WNK1: variants seen among roughly 807,000 people sequenced by gnomAD.
WNK1 encodes WNK lysine deficient protein kinase 1, also known as serine/threonine-protein kinase WNK1.
A neutral mutation model predicts 222.8 loss-of-function variants in WNK1; 38 were observed. That is an observed-to-expected ratio of 0.17 (90% CI 0.13 to 0.22). The LOEUF is 0.22. Among genes scored for constraint, WNK1 ranks in the 10% least tolerant of loss-of-function variants. The pLI is 1.00. For missense variants in WNK1, 2,348 were observed against 2,918.4 expected, an observed-to-expected ratio of 0.80 and a Z score of 4.50; for synonymous variants, 1,090 against 1,092.9, an observed-to-expected ratio of 1.00 and a Z score of 0.05.
chr12:875,434 A>G (rs1261358788), intron 9 of WNK1, among the ~76,000 whole-genome samples: 1 of 152,216 alleles, frequency 6.6e-6, no homozygotes, highest in Admixed American at 6.5e-5. Context: ...CAAAGACTTC[A>G]GCTCATGTAG....
chr12:833,640 T>A (rs1441315784), intron 4 of WNK1, among the ~76,000 whole-genome samples: 1 of 152,252 alleles, frequency 6.6e-6, no homozygotes, highest in Admixed American at 6.5e-5. Flanking sequence ...TTCTTCTCAA[T>A]TGATATGAAT....
intron 1 of WNK1, among the ~76,000 whole-genome samples, chr12:758,028 C>CT (rs1184549690): frequency 9.2e-6 from 1 of 108,370 alleles, no homozygotes; most frequent in Non-Finnish European, 2.0e-5. Context: ...GGGTGAGACT[C>CT]TGTCTCTAAA....
At chr12:755,396 TAA>T (rs1939849817) in intron 1 of WNK1, among the ~76,000 whole-genome samples, 1 of 152,226 alleles carries the variant, frequency 6.6e-6, no homozygotes, top group Non-Finnish European at 1.5e-5. Flanking sequence ...ATCCATGAAC[TAA>T]TATGTTAACA....
chr12:832,700 G>T (rs1948889777), intron 4 of WNK1, among the ~76,000 whole-genome samples: 1 of 152,148 alleles, frequency 6.6e-6, no homozygotes, highest in Non-Finnish European at 1.5e-5. Flanking sequence ...TTATTATTAG[G>T]TGTATGTCTA....
intron 26 of WNK1, among the ~76,000 whole-genome samples, chr12:902,399 G>A (rs1018613567): frequency 1.3e-5 from 2 of 152,094 alleles, no homozygotes; most frequent in Non-Finnish European, 2.9e-5. Context: ...TCCATTCTTT[G>A]TCAGAGTAGA....
At position 757,897 on chromosome 12, in the gene WNK1, G is replaced by A. The variant is rs1278990496; in HGVS notation, c.759+3573G>A. On this transcript the variant is annotated intron_variant, in intron 1 of 27. Coordinates refer to ENST00000315939, the MANE Select transcript of WNK1 (RefSeq NM_018979.4). ...CTAAAAATACAAAAATTAGCTGGGC[G>A]TGGTCCGCACGCCTGTAATCCCAGC... 1.4e-5 allele frequency among the ~76,000 whole-genome samples: 2 copies of A among 145,730 alleles called. 1 individual carries two copies. The highest frequency in any genetic ancestry group is 4.9e-5 in the African/African-American group (2 of 40,810).
At chr12:834,346 T>C (rs371980274) in intron 4 of WNK1, among the ~76,000 whole-genome samples, 3 of 152,194 alleles carry the variant, frequency 2.0e-5, no homozygotes, top group Non-Finnish European at 2.9e-5. Context: ...ACTGCTGATA[T>C]GTGTTTTTAC....
intron 4 of WNK1, among the ~76,000 whole-genome samples, chr12:848,496 C>CTTTTTTTTTTTT (rs10644583): frequency 2.3e-4 from 23 of 99,258 alleles, no homozygotes; most frequent in South Asian, 3.8e-4. Context: ...CCAGTAAAAA[C>CTTTTTTTTTTTT]TTTTTTTTTT....
rs1939566662 is a variant in WNK1, at chr12:753,918, A to G, written c.353A>G (p.Glu118Gly). ...GCTGTCCCGCAGAGTGCTCCACCGG[A>G]GCCCCACCGGGAAGAGACCGTGACC... ...PAAVPQSAPP[E>G]PHREETVTAT... The change falls in exon 1 of 28, where the codon GAG becomes GGG. Residue 118 changes from glutamate (E) to glycine (G), a missense_variant. Around this residue, in one of 13 missense-constraint regions of WNK1, gnomAD observed 185 missense variants for 159.2 expected, o/e 1.16. Coordinates refer to ENST00000315939, the MANE Select transcript of WNK1 (RefSeq NM_018979.4). The surrounding 1 kb of genome is among the most constrained non-coding windows in gnomAD (Gnocchi z 5.2). The G allele has an allele frequency of 6.2e-7, 1 of 1,608,818 alleles. No homozygotes were observed. The highest frequency in any genetic ancestry group is 1.3e-5 in the African/African-American group (1 of 74,812).
intron 9 of WNK1, among the ~76,000 whole-genome samples, chr12:874,534 C>CT (rs1336164146): frequency 6.6e-6 from 1 of 152,130 alleles, no homozygotes; most frequent in Non-Finnish European, 1.5e-5. Context: ...GTCCTTTCAG[C>CT]TTTTTTTCCT....
chr12:872,806 A>G (rs745489141), intron 9 of WNK1, among the ~76,000 whole-genome samples: 4 of 152,176 alleles, frequency 2.6e-5, no homozygotes, highest in South Asian at 2.1e-4. Flanking sequence ...TTTCAGTCCA[A>G]CATATGGTCA....
At chr12:860,761 A>AGT (rs1951149399) in intron 6 of WNK1, among the ~76,000 whole-genome samples, 1 of 152,166 alleles carries the variant, frequency 6.6e-6, no homozygotes, top group Admixed American at 6.5e-5. Flanking sequence ...TGTTATAAGG[A>AGT]GTGAAGGTAT....
chr12:793,603 A>G (rs776266618), intron 1 of WNK1, among the ~76,000 whole-genome samples: 1 of 152,160 alleles, frequency 6.6e-6, no homozygotes, highest in Non-Finnish European at 1.5e-5. Context: ...TCCTAAATGA[A>G]GTGGGCCATT....
chr12:795,678 T>C (rs970363955), intron 1 of WNK1, among the ~76,000 whole-genome samples: 2 of 152,136 alleles, frequency 1.3e-5, no homozygotes, highest in African/African-American at 4.8e-5. Flanking sequence ...ACTAATACAG[T>C]TTCTATAGTT....
intron 1 of WNK1, among the ~76,000 whole-genome samples, chr12:779,933 T>C (rs1943530501): frequency 6.6e-6 from 1 of 152,204 alleles, no homozygotes; most frequent in Admixed American, 6.5e-5. Context: ...TAAGGCTCAG[T>C]ACCTCTGCCA....
At position 911,361 on chromosome 12, in the gene WNK1, T is replaced by C; in HGVS notation, c.*2569T>C. 2.5e-6 allele frequency: 1 copy of C among 398,664 alleles called. No individual in the cohort carries two copies. Among genetic ancestry groups the C allele is most frequent in the Non-Finnish European group, 4.4e-6 (1 of 226,064 alleles). The allele number at this position is 398,664 out of a possible 1,614,324, so 24.7% of individuals were successfully genotyped here. On this transcript the variant is annotated 3_prime_UTR_variant, in exon 28 of 28. Coordinates refer to ENST00000315939, the MANE Select transcript of WNK1 (RefSeq NM_018979.4). ...TTTGCACTAACTCTGGGTGTTGCGC[T>C]TCTTGTAAGATTGCGCTTTGTGCTT...
chr12:789,205 G>A (rs942908290), intron 1 of WNK1, among the ~76,000 whole-genome samples: 13 of 152,216 alleles, frequency 8.5e-5, no homozygotes, highest in African/African-American at 3.1e-4. Context: ...GCACCAAACA[G>A]GGCTCCTGAT....
At chr12:874,032 CACAGTGCCAGCT>C (rs1019172136) in intron 9 of WNK1, among the ~76,000 whole-genome samples, 23 of 151,734 alleles carry the variant, frequency 1.5e-4, no homozygotes, top group African/African-American at 5.1e-4. Context: ...CTTTGTCAGA[CACAGTGCCAGCT>C]ACTTGGAAGG....
chr12:896,309 C>T lies in WNK1; in HGVS notation c.5822C>T (p.Thr1941Ile). Residue 1941 changes from threonine to isoleucine, a missense_variant, in exon 24 of 28, where the codon ACC becomes ATC. By Grantham distance (89) the Thr-to-Ile change is moderately conservative (BLOSUM62 -1). This residue lies in a region of WNK1 where 1,144 missense variants were observed against 1,273.6 expected (regional missense o/e 0.90). Transcript: ENST00000315939. ...GCAAAGTCAGACACTGGGCAGCCTA[C>T]CAAGGTTGGACGTTTTCAGGTGACA... ...SEAKSDTGQPTKVGRFQVTTT... is the reference protein window; with the variant it reads ...SEAKSDTGQPIKVGRFQVTTT... 3.7e-6 allele frequency: 6 copies of T among 1,614,146 alleles called. No individual in the cohort carries two copies. The highest frequency in any genetic ancestry group is 5.1e-6 in the Non-Finnish European group (6 of 1,180,028).
Sources: gnomAD v4.1 joint callset for allele counts (sites outside exome capture counted in the v4.1 genomes callset) on GRCh38, gnomAD v4.1.1 for gene constraint, gnomAD v4.1.1 regional missense constraint, Gnocchi (gnomAD v3.1) non-coding constraint, MANE v1.5 for transcripts, NCBI Gene and HGNC (gene_info 2026-07-23, HGNC 2026-07-21) for gene names.